RAPGEF4: variants seen among roughly 807,000 people sequenced by gnomAD.
RAPGEF4 encodes Rap guanine nucleotide exchange factor 4, also known as RAP guanine-nucleotide-exchange factor (GEF) 4.
RAPGEF4 carries 66 observed loss-of-function variants against 147.9 expected under a neutral mutation model. The ratio of observed to expected loss-of-function variants is 0.45; its 90% confidence interval spans 0.37 to 0.55. The LOEUF is 0.55. Among genes scored for constraint, RAPGEF4 ranks in the 20% least tolerant of loss-of-function variants. The pLI is 0.00. For synonymous variants in RAPGEF4, 419 were observed against 442.7 expected (o/e 0.95, Z 0.67); for missense variants, 1,071 against 1,257.3 (o/e 0.85, Z 2.24).
intron 1 of RAPGEF4, among the ~76,000 whole-genome samples, chr2:172,756,592 T>C (rs546669132): frequency 1.3e-5 from 2 of 152,344 alleles, no homozygotes; most frequent in East Asian, 3.9e-4. Context: ...AGCCCTGTCT[T>C]GTACTTCTCT....
rs1298075159 is a variant in RAPGEF4, at chr2:173,036,191, T to C, written c.2767T>C (p.Phe923Leu). ...TAAGCTGGAACCTCCTCTCATCCCC[T>C]TCATGCCTTTGCTCATTAAAGGTAA... ...VAKLEPPLIP[F>L]MPLLIKDMTF... The change falls in exon 28 of 31, where the codon TTC (phenylalanine) becomes CTC (leucine). Residue 923 changes from phenylalanine (F) to leucine (L), a missense_variant. Coordinates refer to ENST00000397081, the MANE Select transcript of RAPGEF4 (RefSeq NM_007023.4). 10 of 1,611,624 alleles carry C rather than the reference T, an allele frequency of 6.2e-6. No individual in the cohort carries two copies. Among genetic ancestry groups the C allele is most frequent in the Non-Finnish European group, 4.2e-6 (5 of 1,178,124 alleles).
chr2:172,833,920 T>C (rs539044815), intron 4 of RAPGEF4, among the ~76,000 whole-genome samples: 7 of 152,336 alleles, frequency 4.6e-5, no homozygotes, highest in Admixed American at 3.9e-4. Flanking sequence ...TGTCTACTGC[T>C]TCTCCTGGAA....
chr2:172,822,405 C>G (rs1392305741), intron 4 of RAPGEF4, among the ~76,000 whole-genome samples: 1 of 152,114 alleles, frequency 6.6e-6, no homozygotes, highest in Admixed American at 6.5e-5. Context: ...CCTCCAGGCC[C>G]CTGGAAGGTA....
chr2:172,781,951 A>G (rs1190350012), intron 1 of RAPGEF4, among the ~76,000 whole-genome samples: 1 of 152,166 alleles, frequency 6.6e-6, no homozygotes, highest in Non-Finnish European at 1.5e-5. Flanking sequence ...GAACCCACAG[A>G]TATGGAGGGC....
At chr2:172,788,290 T>A (rs1284225185) in intron 1 of RAPGEF4, among the ~76,000 whole-genome samples, 1 of 152,098 alleles carries the variant, frequency 6.6e-6, no homozygotes, top group Non-Finnish European at 1.5e-5. Flanking sequence ...TTTACATGCA[T>A]GAAACATGAA....
chr2:172,935,517 CA>C (rs917586843), intron 6 of RAPGEF4, among the ~76,000 whole-genome samples: 9 of 150,050 alleles, frequency 6.0e-5, no homozygotes, highest in African/African-American at 1.2e-4. Context: ...CGCTGACTGC[CA>C]AAAAAAAACT....
At chr2:172,864,256 G>A (rs1694362957) in intron 4 of RAPGEF4, among the ~76,000 whole-genome samples, 2 of 152,188 alleles carry the variant, frequency 1.3e-5, no homozygotes, top group Non-Finnish European at 2.9e-5. Flanking sequence ...AAGTTGAGAG[G>A]AAAAACAGCA....
chr2:172,745,611 C>T (rs938704845), intron 1 of RAPGEF4, among the ~76,000 whole-genome samples: 1 of 150,836 alleles, frequency 6.6e-6, no homozygotes, highest in African/African-American at 2.4e-5. Flanking sequence ...ACTTATTCTT[C>T]TTTTTCTGGC....
At chr2:172,786,588 C>G (rs1392379328) in intron 1 of RAPGEF4, among the ~76,000 whole-genome samples, 3 of 152,170 alleles carry the variant, frequency 2.0e-5, no homozygotes, top group African/African-American at 7.2e-5. Flanking sequence ...GGTTTTAACA[C>G]TTATTTATAG....
intron 17 of RAPGEF4, among the ~76,000 whole-genome samples, chr2:173,004,155 G>A (rs1021717658): frequency 4.6e-5 from 7 of 152,148 alleles, no homozygotes; most frequent in African/African-American, 1.7e-4. Context: ...TCCACATTGT[G>A]TGTCTCTTCC....
At chr2:172,950,674 G>A (rs1394560800) in intron 6 of RAPGEF4, among the ~76,000 whole-genome samples, 2 of 152,144 alleles carry the variant, frequency 1.3e-5, no homozygotes, top group African/African-American at 4.8e-5. Flanking sequence ...TACTCCTAAA[G>A]GCCAAATGCA....
At chr2:172,900,703 T>G (rs1698978845) in intron 4 of RAPGEF4, among the ~76,000 whole-genome samples, 2 of 152,184 alleles carry the variant, frequency 1.3e-5, no homozygotes, top group Admixed American at 1.3e-4. Context: ...TTTAAGACAT[T>G]GTACTCTTTT....
At chr2:172,739,111 G>A (rs1261956159) in intron 1 of RAPGEF4, among the ~76,000 whole-genome samples, 1 of 151,968 alleles carries the variant, frequency 6.6e-6, no homozygotes, top group Non-Finnish European at 1.5e-5. Flanking sequence ...AGGAGATGAG[G>A]GTCTACAAAT....
At chr2:172,818,996 A>T (rs1688787336) in intron 4 of RAPGEF4, among the ~76,000 whole-genome samples, 1 of 152,238 alleles carries the variant, frequency 6.6e-6, no homozygotes. Flanking sequence ...CATGAATGTG[A>T]TTAGAAGCAT....
Position 172,795,175 on chromosome 2 carries a change from A to C in RAPGEF4, c.208+8A>C. 1.9e-6 allele frequency: 3 copies of C among 1,599,044 alleles called. No homozygotes were observed. Among genetic ancestry groups the C allele is most frequent in the Non-Finnish European group, 2.6e-6 (3 of 1,167,212 alleles). ...TGGAAAAGGGAATAACATGTAAGAAATGCAACTCTTGTAGTATATTTCCAT... is the reference window on the plus strand; with the variant it reads ...TGGAAAAGGGAATAACATGTAAGAACTGCAACTCTTGTAGTATATTTCCAT... On this transcript the variant is annotated splice_region_variant and intron_variant, in intron 2 of 30. Coordinates refer to ENST00000397081, the MANE Select transcript of RAPGEF4 (RefSeq NM_007023.4).
At chr2:172,911,119 G>A (rs1191814546) in intron 4 of RAPGEF4, among the ~76,000 whole-genome samples, 1 of 152,132 alleles carries the variant, frequency 6.6e-6, no homozygotes, top group East Asian at 1.9e-4. Context: ...TCCTGTTATG[G>A]CGTCAACTCA....
intron 30 of RAPGEF4, 124 bp downstream of exon 30, chr2:173,048,778 T>C (rs1685822245): frequency 6.7e-6 from 10 of 1,499,488 alleles, no homozygotes; most frequent in African/African-American, 1.4e-5. Flanking sequence ...CTTTGGACCA[T>C]GAATTCCATG....
chr2:172,931,173 G>T (rs1166299824), intron 6 of RAPGEF4, among the ~76,000 whole-genome samples: 4 of 6,778 alleles, frequency 5.9e-4, no homozygotes, highest in African/African-American at 9.5e-4. Context: ...AGGCCGGGGT[G>T]GGGGGGGGGG....
chr2:172,740,756 G>A (rs1391399628), intron 1 of RAPGEF4, among the ~76,000 whole-genome samples: 1 of 152,170 alleles, frequency 6.6e-6, no homozygotes, highest in Non-Finnish European at 1.5e-5. Flanking sequence ...CATCCTCCAG[G>A]GCTCAGGCTG....
Sources: gnomAD v4.1 joint callset for allele counts (sites outside exome capture counted in the v4.1 genomes callset) on GRCh38, gnomAD v4.1.1 for gene constraint, MANE v1.5 for transcripts, NCBI Gene and HGNC (gene_info 2026-07-23, HGNC 2026-07-21) for gene names.